DST: variants seen among roughly 807,000 people sequenced by gnomAD.
DST encodes bullous pemphigoid antigen.
In DST, 253 loss-of-function variants were observed where a neutral mutation model predicts 875.2. The ratio of observed to expected loss-of-function variants is 0.29; its 90% confidence interval spans 0.26 to 0.32. The LOEUF is 0.32. DST is among the 10% of genes least tolerant of loss of function. The pLI is 1.00. For missense variants in DST, 8,287 were observed against 9,111.6 expected (o/e 0.91, Z 3.68); for synonymous variants, 3,124 against 3,197.1 (o/e 0.98, Z 0.77).
chr6:56,695,020 G>A (rs2099255390), intron 9 of DST, among the ~76,000 whole-genome samples: 1 of 151,382 alleles, frequency 6.6e-6, no homozygotes, highest in African/African-American at 2.4e-5. Flanking sequence ...CCAGCTACTT[G>A]GGAGGCTGAG....
chr6:56,568,717 C>T (rs902329444), intron 54 of DST, 122 bp from the exon 55 acceptor site: 4 of 895,920 alleles, frequency 4.5e-6, no homozygotes, highest in South Asian at 2.1e-5. Flanking sequence ...GTGAGGGAGT[C>T]GATGAAAGAA....
In DST at chr6:56,572,949, A is replaced by C; in HGVS notation, c.13352T>G (p.Met4451Arg). ...TGAAAACCGAGCAGACAAGTCTTTC[A>C]TTTTGGCTTGCAGTGAGGATGCAGT... ...PSTASSLQAK[M>R]KDLSARFSEA... The change falls in exon 52 of 104, where the codon ATG becomes AGG. Residue 4451 changes from methionine (M) to arginine (R), a missense_variant. This residue lies in a region of DST where 1,513 missense variants were observed against 1,677.8 expected (regional missense o/e 0.90). Coordinates refer to ENST00000680361, the MANE Select transcript of DST (RefSeq NM_001374736.1). The C allele has an allele frequency of 6.2e-7, 1 of 1,612,962 alleles. No individual in the cohort carries two copies. The highest frequency in any genetic ancestry group is 8.5e-7 in the Non-Finnish European group (1 of 1,179,518).
Position 56,494,241 on chromosome 6 carries a change from T to C in DST, c.20224-61A>G, listed in dbSNP as rs533802368. The C allele has an allele frequency of 3.0e-4, 437 of 1,477,944 alleles. 3 individuals carry two copies. In the African/African-American group the frequency reaches 5.8e-3, roughly 20 times the overall value. The allele number at this position is 1,477,944 out of a possible 1,614,324, so 91.6% of individuals were successfully genotyped here. A position where few individuals can be genotyped will look rare whatever the true frequency, so the allele number is the denominator to read the frequency against. On this transcript the variant is annotated intron_variant, in intron 82 of 103. Transcript: ENST00000680361. Reference sequence around the variant, plus strand: ...GAAAGTAAAATTTAAGAGTTCTATTTTTCTAGGTCATCAGTCCCAAGCTCC... The same window carrying C: ...GAAAGTAAAATTTAAGAGTTCTATTCTTCTAGGTCATCAGTCCCAAGCTCC...
At chr6:56,698,960 C>T (rs2099278565) in intron 9 of DST, among the ~76,000 whole-genome samples, 1 of 152,170 alleles carries the variant, frequency 6.6e-6, no homozygotes, top group East Asian at 1.9e-4. Context: ...TGCCCTTTTC[C>T]CCCTCCTTCC....
intron 4 of DST, among the ~76,000 whole-genome samples, chr6:56,746,686 A>G (rs1465797435): frequency 6.6e-6 from 1 of 152,194 alleles, no homozygotes; most frequent in Admixed American, 6.5e-5. Context: ...ATCTCATTCT[A>G]CATATTTCCA....
chr6:56,843,032 GC>G, intron 4 of DST: 1 of 1,433,914 alleles, frequency 7.0e-7, no homozygotes, highest in South Asian at 1.7e-5. Flanking sequence ...AAGCTCCGCA[GC>G]CCCAGGGCAG....
chr6:56,922,591 C>T (rs1340614329), intron 2 of DST, among the ~76,000 whole-genome samples: 1 of 148,088 alleles, frequency 6.8e-6, no homozygotes, highest in Non-Finnish European at 1.5e-5. Flanking sequence ...TTGCTAAACC[C>T]TCTGTTTTTT....
At chr6:56,516,399 G>A (rs990819051) in intron 71 of DST, among the ~76,000 whole-genome samples, 1 of 151,578 alleles carries the variant, frequency 6.6e-6, no homozygotes, top group Non-Finnish European at 1.5e-5. Flanking sequence ...TTTCACATCA[G>A]AGTCTTTATA....
At chr6:56,932,016 G>A (rs1810552183) in intron 2 of DST, among the ~76,000 whole-genome samples, 1 of 152,108 alleles carries the variant, frequency 6.6e-6, no homozygotes, top group Non-Finnish European at 1.5e-5. Flanking sequence ...TTTGAAACGT[G>A]AGGACATGAG....
chr6:56,590,132 G>A (rs1055575360), intron 49 of DST, among the ~76,000 whole-genome samples: 24 of 152,172 alleles, frequency 1.6e-4, no homozygotes, highest in Admixed American at 5.2e-4. Flanking sequence ...TTCAAATTAC[G>A]CTATGACTTA....
chr6:56,722,016 T>A (rs1386512173), intron 5 of DST, among the ~76,000 whole-genome samples: 1 of 152,202 alleles, frequency 6.6e-6, no homozygotes, highest in Non-Finnish European at 1.5e-5. Flanking sequence ...AACAATGAAT[T>A]TTAGATTTCA....
At chr6:56,610,827 C>T (rs1454114141) in intron 38 of DST, among the ~76,000 whole-genome samples, 1 of 152,038 alleles carries the variant, frequency 6.6e-6, no homozygotes, top group East Asian at 1.9e-4. Context: ...TCCAAAATAA[C>T]AATTGCTGCT....
intron 4 of DST, among the ~76,000 whole-genome samples, chr6:56,760,950 C>G (rs750855358): frequency 1.3e-5 from 2 of 152,240 alleles, no homozygotes; most frequent in East Asian, 1.9e-4. Context: ...CCTTCAAGAG[C>G]TAATTCCAAT....
chr6:56,717,365 C>G (rs2099399176), intron 5 of DST, among the ~76,000 whole-genome samples: 1 of 152,064 alleles, frequency 6.6e-6, no homozygotes. Context: ...CCTGCTGTAA[C>G]AGGCCACAGA....
At chr6:56,922,765 T>C (rs1804960302) in intron 2 of DST, among the ~76,000 whole-genome samples, 1 of 152,224 alleles carries the variant, frequency 6.6e-6, no homozygotes, top group African/African-American at 2.4e-5. Flanking sequence ...GTTTCTTCTT[T>C]ATTGTTTGGA....
chr6:56,905,102 T>C (rs1592300600), intron 2 of DST, among the ~76,000 whole-genome samples: 1 of 152,324 alleles, frequency 6.6e-6, no homozygotes, highest in East Asian at 1.9e-4. Context: ...AGAGTTACTC[T>C]TCAACCATTA....
At chr6:56,899,960 C>T (rs1363894422) in intron 3 of DST, among the ~76,000 whole-genome samples, 13 of 152,222 alleles carry the variant, frequency 8.5e-5, no homozygotes, top group Non-Finnish European at 7.3e-5. Context: ...TGTGGAGGGA[C>T]GCACAGGCCT....
intron 9 of DST, among the ~76,000 whole-genome samples, chr6:56,674,890 G>T (rs144326063): frequency 6.6e-6 from 1 of 152,036 alleles, no homozygotes; most frequent in Non-Finnish European, 1.5e-5. Flanking sequence ...ATGACACTTC[G>T]CACAGAAATA....
At position 56,555,724 on chromosome 6, in the gene DST, C is replaced by T; in HGVS notation, c.14757G>A (p.Glu4919=). 3 of 1,609,456 alleles carry T rather than the reference C, an allele frequency of 1.9e-6. No homozygotes were observed. Among genetic ancestry groups the T allele is most frequent in the Non-Finnish European group, 1.7e-6 (2 of 1,175,924 alleles). The change falls in exon 60 of 104, where the codon GAG becomes GAA. Residue 4919 remains glutamate (E), a synonymous_variant. Transcript: ENST00000680361. ...ATTTTTGGGTCACAGCTGCCAGTTG[C>T]TCTTTCACAATCCCACGTAAAGAAG... is the stretch of plus-strand genomic sequence containing the variant. The part of the protein sequence containing the change: ...EDPSLRGIVK[E]QLAAVTQKWD...
Sources: allele counts gnomAD v4.1 joint callset (sites outside exome capture counted in the v4.1 genomes callset), GRCh38; gene constraint gnomAD v4.1.1; regional missense constraint gnomAD v4.1.1; transcripts MANE v1.5; gene names NCBI Gene and HGNC (gene_info 2026-07-23, HGNC 2026-07-21).